The following GLIS3 variants were observed in gnomAD, a reference collection of about 807,000 sequenced individuals.
GLIS3 encodes GLIS family zinc finger 3.
GLIS3 carries 53 observed loss-of-function variants against 78.6 expected under a neutral mutation model. The observed-to-expected ratio is 0.67, with a 90% CI of 0.54 to 0.85. The LOEUF is 0.85. Among genes scored for constraint, GLIS3 ranks in the 40% least tolerant of loss-of-function variants. The probability of loss-of-function intolerance (pLI) is 0.00; values close to 1 mark genes in which losing one functional copy is unlikely to be tolerated. For synonymous variants in GLIS3, 684 were observed against 509.9 expected, an observed-to-expected ratio of 1.34 and a Z score of -4.60; for missense variants, 1,703 against 1,231.1, an observed-to-expected ratio of 1.38 and a Z score of -5.74.
intron 9 of GLIS3, among the ~76,000 whole-genome samples, chr9:3,845,566 AAGTC>A (rs1354983830): frequency 6.6e-6 from 1 of 152,196 alleles, no homozygotes; most frequent in African/African-American, 2.4e-5. Context: ...ATAATATAAA[AAGTC>A]AGTAAGAATT....
At chr9:4,476,195 T>G in the GLIS3 span, among the ~76,000 whole-genome samples, 9 of 152,220 alleles carry the variant, frequency 5.9e-5, no homozygotes, top group Non-Finnish European at 1.3e-4. Flanking sequence ...ATTCATACAA[T>G]GAATATAATC....
At chr9:4,172,214 C>T (rs1326692050) in intron 2 of GLIS3, among the ~76,000 whole-genome samples, 1 of 152,124 alleles carries the variant, frequency 6.6e-6, no homozygotes, top group Non-Finnish European at 1.5e-5. Flanking sequence ...CTTGTATTTG[C>T]ATCTGTCTTT....
In GLIS3 at chr9:4,125,633, AGTGTGT is replaced by A. The variant is rs71497518; in HGVS notation, c.596+95_596+100del. The stretch of plus-strand genomic sequence containing the variant: ...AGTTGCTTGAGTGTGTAAGTGTATG[AGTGTGT>A]GTGTGTGTGTGTGTGTATTCAGAAA... On this transcript the variant is annotated intron_variant, in intron 3 of 10. Transcript: ENST00000381971. The A allele has an allele frequency of 1.7e-3, 1,247 of 753,408 alleles. 1 individual carries two copies. The highest frequency in any genetic ancestry group is 5.9e-3 in the East Asian group (205 of 34,998). The allele number at this position is 753,408 out of a possible 1,614,324, so 46.7% of individuals were successfully genotyped here.
chr9:4,418,785 T>C, the GLIS3 span, among the ~76,000 whole-genome samples: 1 of 152,144 alleles, frequency 6.6e-6, no homozygotes, highest in Non-Finnish European at 1.5e-5. Context: ...AACAGTAGTA[T>C]TTGAGTTGGG....
rs543859925 is a variant in GLIS3 at position 4,069,081 on chromosome 9, A to G, written c.1710+48687T>C. On this transcript the variant is annotated intron_variant, in intron 4 of 10. Transcript: ENST00000381971. ...AATGTATGGGATTAGCAGGAATACT[A>G]TAAAACTCACAGTTTTATGAAGCCT... Among the ~76,000 whole-genome samples the G allele has an allele frequency of 2.0e-5, 3 of 152,350 alleles. No individual in the cohort carries two copies. In the East Asian group the frequency reaches 5.8e-4, roughly 29 times the overall value.
chr9:3,903,976 T>G (rs758652445), intron 6 of GLIS3, among the ~76,000 whole-genome samples: 1 of 152,028 alleles, frequency 6.6e-6, no homozygotes, highest in Admixed American at 6.5e-5. Flanking sequence ...AGGTCTGAGG[T>G]CACCCTGCAT....
chr9:4,104,057 C>A (rs1243902628), intron 4 of GLIS3, among the ~76,000 whole-genome samples: 1 of 152,142 alleles, frequency 6.6e-6, no homozygotes, highest in Non-Finnish European at 1.5e-5. Context: ...CCAATGTTGT[C>A]ATGACTCTAC....
At chr9:4,294,034 G>A (rs1816256973) in intron 1 of GLIS3, among the ~76,000 whole-genome samples, 1 of 152,160 alleles carries the variant, frequency 6.6e-6, no homozygotes, top group African/African-American at 2.4e-5. Context: ...TTAGAGTCCA[G>A]CTCGATGGTC....
chr9:4,138,810 C>G (rs1050659116), intron 2 of GLIS3, among the ~76,000 whole-genome samples: 5 of 152,192 alleles, frequency 3.3e-5, no homozygotes, highest in Non-Finnish European at 5.9e-5. Context: ...TTCCAGCACA[C>G]AGTAAGTACT....
chr9:4,419,164 TTC>T, the GLIS3 span, among the ~76,000 whole-genome samples: 1 of 152,202 alleles, frequency 6.6e-6, no homozygotes, highest in African/African-American at 2.4e-5. Context: ...TGTGCTCCCT[TTC>T]TCTCCCAAAT....
chr9:4,209,985 G>A lies in GLIS3; in HGVS notation c.388+76053C>T, dbSNP rs527659983. On this transcript the variant is annotated intron_variant, in intron 2 of 10. Transcript: ENST00000381971. ...ATGTTTTCCATCAATATCAGTCTAT[G>A]GCTTAACATCAAGATAGGCTGCACA... Among the ~76,000 whole-genome samples, 56 of 152,254 alleles carry A rather than the reference G, an allele frequency of 3.7e-4. 2 individuals carry two copies. In the South Asian group the frequency reaches 0.011, roughly 31 times the overall value.
At chr9:3,865,460 G>C (rs1820511444) in intron 8 of GLIS3, among the ~76,000 whole-genome samples, 1 of 152,220 alleles carries the variant, frequency 6.6e-6, no homozygotes, top group Admixed American at 6.5e-5. Context: ...ACTCAGGCTA[G>C]AATGGCTTGT....
chr9:4,265,946 TCTCA>T (rs1375660606), intron 2 of GLIS3, among the ~76,000 whole-genome samples: 2 of 144,526 alleles, frequency 1.4e-5, no homozygotes, highest in African/African-American at 5.3e-5. Context: ...GGAGACGGAG[TCTCA>T]CTCTATCGCC....
chr9:4,229,580 G>A (rs968955075), intron 2 of GLIS3, among the ~76,000 whole-genome samples: 3 of 152,178 alleles, frequency 2.0e-5, no homozygotes, highest in Non-Finnish European at 2.9e-5. Context: ...CTGAAGCACG[G>A]ATATTTTCTG....
chr9:4,303,114 G>T (rs932182578), upstream of GLIS3, among the ~76,000 whole-genome samples: 1 of 102,504 alleles, frequency 9.8e-6, no homozygotes, highest in Non-Finnish European at 2.3e-5. Flanking sequence ...CACCCTGAGT[G>T]CTCTGACAGT....
intron 4 of GLIS3, 143 bp from the exon 5 acceptor site, chr9:3,937,332 C>A: frequency 1.2e-6 from 1 of 808,506 alleles, no homozygotes. Flanking sequence ...ATAAATATTG[C>A]TCCTAAAAAT....
intron 4 of GLIS3, among the ~76,000 whole-genome samples, chr9:4,085,697 G>C (rs1303179611): frequency 1.3e-5 from 2 of 152,144 alleles, no homozygotes; most frequent in Non-Finnish European, 2.9e-5. Flanking sequence ...GAATGGTTTA[G>C]CGCTATCCCC....
At chr9:4,371,363 C>G in the GLIS3 span, among the ~76,000 whole-genome samples, 2 of 152,238 alleles carry the variant, frequency 1.3e-5, no homozygotes, top group Non-Finnish European at 2.9e-5. Flanking sequence ...ACTTCTTCCA[C>G]TGGATATGAC....
chr9:4,350,055 G>A (rs1348657405), upstream of GLIS3, among the ~76,000 whole-genome samples: 2 of 152,234 alleles, frequency 1.3e-5, no homozygotes, highest in Non-Finnish European at 2.9e-5. Flanking sequence ...AACTGAGAGA[G>A]TCAGATTGCA....
Sources: gnomAD v4.1 joint callset for allele counts (sites outside exome capture counted in the v4.1 genomes callset) on GRCh38, gnomAD v4.1.1 for gene constraint, MANE v1.5 for transcripts, NCBI Gene and HGNC (gene_info 2026-07-23, HGNC 2026-07-21) for gene names.